The following ITPR1 variants were observed in gnomAD, a reference collection of about 807,000 sequenced individuals.
The protein encoded by ITPR1 is inositol 1,4,5-trisphosphate receptor type 1, also known as inositol 1,4,5-trisphosphate-gated calcium channel ITPR1.
Under a neutral mutation model 318.4 loss-of-function variants are expected in ITPR1, and 96 were observed. That is an observed-to-expected ratio of 0.30 (90% CI 0.26 to 0.36). The LOEUF is 0.36. Ranked by LOEUF, ITPR1 falls within the 10% of genes least tolerant of loss-of-function variation. ITPR1 has a pLI of 1.00. For missense variants in ITPR1, 2,440 were observed against 3,460.2 expected (o/e 0.71, Z 7.40); for synonymous variants, 1,312 against 1,289.9 (o/e 1.02, Z -0.37).
intron 5 of ITPR1, among the ~76,000 whole-genome samples, chr3:4,628,329 C>T (rs1375958836): frequency 6.6e-6 from 1 of 152,166 alleles, no homozygotes; most frequent in Non-Finnish European, 1.5e-5. Flanking sequence ...TGAATGGTGC[C>T]TGGCACATAA....
chr3:4,797,960 T>G (rs1325874207), intron 53 of ITPR1, among the ~76,000 whole-genome samples: 2 of 152,242 alleles, frequency 1.3e-5, no homozygotes, highest in Non-Finnish European at 2.9e-5. Context: ...AATTCAGATT[T>G]CTCCAACTGT....
intron 60 of ITPR1, among the ~76,000 whole-genome samples, chr3:4,829,045 T>C (rs2050262330): frequency 6.6e-6 from 1 of 152,242 alleles, no homozygotes; most frequent in Non-Finnish European, 1.5e-5. Context: ...TCTAGGCAGA[T>C]GACATACTGA....
chr3:4,676,578 G>C, intron 23 of ITPR1, 36 bp from the exon 24 acceptor site: 1 of 1,564,906 alleles, frequency 6.4e-7, no homozygotes, highest in South Asian at 1.1e-5. Context: ...ATTCTCTAGA[G>C]ACATTGTGAC....
At chr3:4,763,854 C>CTG (rs2045627809) in intron 44 of ITPR1, among the ~76,000 whole-genome samples, 1 of 152,252 alleles carries the variant, frequency 6.6e-6, no homozygotes. Flanking sequence ...GGCAGGCTAT[C>CTG]TGTGTGTGTC....
intron 4 of ITPR1, among the ~76,000 whole-genome samples, chr3:4,550,158 T>G (rs1305933091): frequency 6.6e-6 from 1 of 152,182 alleles, no homozygotes; most frequent in African/African-American, 2.4e-5. Flanking sequence ...AAAGCTATTC[T>G]CGGTGGGGTT....
At chr3:4,675,322 A>T in intron 23 of ITPR1, 74 bp downstream of exon 23, 1 of 999,074 alleles carries the variant, frequency 1.0e-6, no homozygotes, top group East Asian at 2.6e-5. Flanking sequence ...GTCATACCCT[A>T]TATGTGATGC....
chr3:4,548,511 T>G (rs963613374), intron 4 of ITPR1, among the ~76,000 whole-genome samples: 11 of 152,232 alleles, frequency 7.2e-5, no homozygotes, highest in Non-Finnish European at 1.5e-4. Flanking sequence ...AAAACAAATT[T>G]CAGCACCTTT....
intron 4 of ITPR1, among the ~76,000 whole-genome samples, chr3:4,528,993 A>G (rs1471276496): frequency 3.3e-5 from 5 of 152,172 alleles, no homozygotes; most frequent in Non-Finnish European, 5.9e-5. Flanking sequence ...ATCGCTGGGG[A>G]TGGTGCCTGC....
At chr3:4,817,764 T>G (rs2049402733) in intron 59 of ITPR1, among the ~76,000 whole-genome samples, 1 of 152,216 alleles carries the variant, frequency 6.6e-6, no homozygotes, top group South Asian at 2.1e-4. Context: ...ACACACATTC[T>G]CATTTTACCC....
chr3:4,521,146 T>G (rs1237828393), intron 4 of ITPR1, 52 bp downstream of exon 4: 1 of 1,248,530 alleles, frequency 8.0e-7, no homozygotes, highest in Non-Finnish European at 1.2e-6. Context: ...TGAAAATTCT[T>G]GAAGTGTGTT....
At chr3:4,651,083 T>A (rs950383031) in intron 10 of ITPR1, among the ~76,000 whole-genome samples, 6 of 152,180 alleles carry the variant, frequency 3.9e-5, no homozygotes, top group Non-Finnish European at 7.3e-5. Context: ...CTTTGATGTG[T>A]CTACTAACGC....
At chr3:4,718,988 G>A (rs773216461) in intron 40 of ITPR1, among the ~76,000 whole-genome samples, 3 of 152,130 alleles carry the variant, frequency 2.0e-5, no homozygotes, top group Non-Finnish European at 2.9e-5. Flanking sequence ...AAATGAAGTC[G>A]GGAAAGGAAA....
intron 40 of ITPR1, among the ~76,000 whole-genome samples, chr3:4,718,397 A>T (rs752956798): frequency 7.9e-5 from 12 of 152,186 alleles, no homozygotes; most frequent in Non-Finnish European, 1.3e-4. Context: ...CATGCTGTCT[A>T]CTCTAGTATC....
chr3:4,831,680 T>C (rs2050524656), intron 60 of ITPR1, among the ~76,000 whole-genome samples: 1 of 152,194 alleles, frequency 6.6e-6, no homozygotes, highest in African/African-American at 2.4e-5. Context: ...GTTTTTGATC[T>C]TGAATAGATG....
At chr3:4,822,097 C>G (rs564252306) in intron 60 of ITPR1, among the ~76,000 whole-genome samples, 2 of 152,294 alleles carry the variant, frequency 1.3e-5, no homozygotes, top group East Asian at 3.9e-4. Flanking sequence ...GGGCAAGTCA[C>G]GGGACTTTGC....
At chr3:4,767,510 C>G (rs548903469) in intron 45 of ITPR1, among the ~76,000 whole-genome samples, 3 of 152,288 alleles carry the variant, frequency 2.0e-5, no homozygotes, top group Admixed American at 1.3e-4. Context: ...AGGCACTGTT[C>G]AACGTTCTTT....
At chr3:4,758,157 GC>G (rs1192824258) in intron 44 of ITPR1, among the ~76,000 whole-genome samples, 1 of 152,160 alleles carries the variant, frequency 6.6e-6, no homozygotes, top group Non-Finnish European at 1.5e-5. Flanking sequence ...AGTGTCATGG[GC>G]TAGATGGGTC....
chr3:4,585,801 G>T (rs1222761272), intron 4 of ITPR1, among the ~76,000 whole-genome samples: 1 of 151,850 alleles, frequency 6.6e-6, no homozygotes, highest in Non-Finnish European at 1.5e-5. Context: ...TTAAGTTCTG[G>T]GTTACATGTG....
chr3:4,748,083 A>T (rs555960771), intron 44 of ITPR1, among the ~76,000 whole-genome samples: 1 of 152,216 alleles, frequency 6.6e-6, no homozygotes, highest in Admixed American at 6.5e-5. Context: ...TAGGTACTCT[A>T]TCTGGGCTAC....
Sources: allele counts gnomAD v4.1 joint callset (sites outside exome capture counted in the v4.1 genomes callset), GRCh38; gene constraint gnomAD v4.1.1; transcripts MANE v1.5; gene names NCBI Gene and HGNC (gene_info 2026-07-23, HGNC 2026-07-21).